SPATA6: variants seen among roughly 807,000 people sequenced by gnomAD.
SPATA6 encodes spermatogenesis-associated protein 6.
A neutral mutation model predicts 65.3 loss-of-function variants in SPATA6; 56 were observed. The observed-to-expected ratio is 0.86, with a 90% CI of 0.69 to 1.07. The LOEUF is 1.07. Among genes scored for constraint, SPATA6 ranks in the 50% least tolerant of loss-of-function variants. The pLI, the probability that SPATA6 is intolerant of heterozygous loss-of-function variation, is 0.00. For synonymous variants in SPATA6, 199 were observed against 213.2 expected (o/e 0.93, Z 0.58); for missense variants, 590 against 594.8 (o/e 0.99, Z 0.08).
the SPATA6 span, among the ~76,000 whole-genome samples, chr1:48,287,742 T>C: frequency 7.9e-5 from 12 of 152,334 alleles, no homozygotes; most frequent in African/African-American, 2.6e-4. Flanking sequence ...TGCAGAAACA[T>C]GGGCAAATTA....
chr1:48,317,598 A>C (rs1645475165), intron 11 of SPATA6, among the ~76,000 whole-genome samples: 1 of 152,192 alleles, frequency 6.6e-6, no homozygotes, highest in Admixed American at 6.5e-5. Context: ...TAATGGGTGC[A>C]GCACACCAAC....
chr1:48,272,586 A>G, the SPATA6 span, among the ~76,000 whole-genome samples: 2 of 152,054 alleles, frequency 1.3e-5, no homozygotes, highest in African/African-American at 2.4e-5. Flanking sequence ...CCATTCATCC[A>G]TTGGTGGACA....
downstream of SPATA6, among the ~76,000 whole-genome samples, chr1:48,294,528 CTTTCA>C (rs1644788404): frequency 6.6e-6 from 1 of 152,118 alleles, no homozygotes; most frequent in African/African-American, 2.4e-5. Context: ...AAAAGCAGAG[CTTTCA>C]TTTGTTTTTA....
chr1:48,273,129 C>A, the SPATA6 span, among the ~76,000 whole-genome samples: 4 of 152,056 alleles, frequency 2.6e-5, no homozygotes, highest in African/African-American at 9.7e-5. Context: ...AGCCTCAACT[C>A]TTTATTTTTG....
chr1:48,454,153 C>T (rs1037227296), intron 1 of SPATA6, among the ~76,000 whole-genome samples: 1 of 151,734 alleles, frequency 6.6e-6, no homozygotes, highest in Non-Finnish European at 1.5e-5. Context: ...TATTAAATAA[C>T]ACATAGCACA....
At chr1:48,426,541 C>A (rs1653854320) in intron 3 of SPATA6, among the ~76,000 whole-genome samples, 1 of 151,866 alleles carries the variant, frequency 6.6e-6, no homozygotes, top group African/African-American at 2.4e-5. Context: ...GACAGAATAC[C>A]CTAGAAAGCA....
At chr1:48,348,075 C>A (rs1275392938) in intron 11 of SPATA6, among the ~76,000 whole-genome samples, 2 of 152,016 alleles carry the variant, frequency 1.3e-5, no homozygotes, top group Non-Finnish European at 2.9e-5. Context: ...TTCTCCACTG[C>A]AACTCCTGCT....
intron 2 of SPATA6, among the ~76,000 whole-genome samples, chr1:48,452,673 C>A (rs532399009): frequency 1.3e-5 from 2 of 152,116 alleles, no homozygotes; most frequent in African/African-American, 4.8e-5. Flanking sequence ...CATGAGCCAC[C>A]GCACACGGCT....
Position 48,430,600 on chromosome 1 carries a change from T to G in SPATA6, c.239-17449A>C, listed in dbSNP as rs1173281462. Among the ~76,000 whole-genome samples the G allele has an allele frequency of 2.6e-5, 4 of 152,304 alleles. No homozygotes were observed. The South Asian group carries it at 8.3e-4, about 32-fold the overall frequency. On this transcript the variant is annotated intron_variant, in intron 3 of 12. Coordinates refer to ENST00000371847, the MANE Select transcript of SPATA6 (RefSeq NM_019073.4). The stretch of plus-strand genomic sequence containing the variant: ...ATAAAAGCTAGTATTACTATAACAA[T>G]GGGTTGTAACTCCACATTTTTGTTT...
intron 3 of SPATA6, among the ~76,000 whole-genome samples, chr1:48,418,173 G>A (rs1344204994): frequency 6.6e-6 from 1 of 151,978 alleles, no homozygotes; most frequent in Non-Finnish European, 1.5e-5. Flanking sequence ...AGCAACTTTT[G>A]CTTAAAAAGA....
rs777851477 is a variant in SPATA6, at chr1:48,371,267, CTATATAGA to C, written c.910-11505_910-11498del. On this transcript the variant is annotated intron_variant, in intron 9 of 12. Coordinates refer to ENST00000371847, the MANE Select transcript of SPATA6 (RefSeq NM_019073.4). Reference sequence around the variant, plus strand: ...CAATATCCATTCATTGAATATGTATCTATATAGATAGATAGATAGATAGATAGATAGAT... The same window carrying C: ...CAATATCCATTCATTGAATATGTATCTAGATAGATAGATAGATAGATAGAT... 6.0e-3 allele frequency among the ~76,000 whole-genome samples: 760 copies of C among 126,484 alleles called. 5 individuals carry two copies. Among genetic ancestry groups the C allele is most frequent in the East Asian group, 0.026 (111 of 4,258 alleles). 83.0% of individuals were successfully genotyped at this position (126,484 alleles called of 152,430 possible).
downstream of SPATA6, among the ~76,000 whole-genome samples, chr1:48,292,029 T>C (rs1294286309): frequency 2.0e-5 from 3 of 152,238 alleles, no homozygotes; most frequent in African/African-American, 7.2e-5. Flanking sequence ...ACAATTACTT[T>C]AAATTATTTG....
chr1:48,395,238 G>C (rs781571806), intron 8 of SPATA6, 29 bp downstream of exon 8: 2 of 1,493,522 alleles, frequency 1.3e-6, no homozygotes, highest in South Asian at 2.7e-5. Context: ...GGCAACTACA[G>C]CAATGAATAA....
At chr1:48,286,788 C>G in the SPATA6 span, among the ~76,000 whole-genome samples, 1 of 152,016 alleles carries the variant, frequency 6.6e-6, no homozygotes, top group Non-Finnish European at 1.5e-5. Flanking sequence ...GTAATCCCAG[C>G]ACTTTGGGGA....
At chr1:48,342,044 T>C (rs1044593535) in intron 11 of SPATA6, among the ~76,000 whole-genome samples, 1 of 152,208 alleles carries the variant, frequency 6.6e-6, no homozygotes, top group Non-Finnish European at 1.5e-5. Flanking sequence ...TTGATTATGG[T>C]ATTATTTTGG....
At chr1:48,365,674 C>T (rs1646980984) in intron 9 of SPATA6, among the ~76,000 whole-genome samples, 1 of 152,166 alleles carries the variant, frequency 6.6e-6, no homozygotes, top group Non-Finnish European at 1.5e-5. Flanking sequence ...AGTTGCTTAA[C>T]AGCTCAAGGA....
intron 3 of SPATA6, among the ~76,000 whole-genome samples, chr1:48,432,820 C>T (rs1468331359): frequency 6.6e-6 from 1 of 152,188 alleles, no homozygotes; most frequent in Non-Finnish European, 1.5e-5. Flanking sequence ...AAACAGATAT[C>T]TGTACTCCCA....
chr1:48,312,862 G>A (rs191299546), intron 11 of SPATA6, among the ~76,000 whole-genome samples: 1 of 152,284 alleles, frequency 6.6e-6, no homozygotes, highest in Non-Finnish European at 1.5e-5. Flanking sequence ...AGGACCTGAT[G>A]GAGCTGAAAA....
intron 3 of SPATA6, among the ~76,000 whole-genome samples, chr1:48,426,076 A>G (rs753082353): frequency 2.0e-5 from 3 of 152,230 alleles, no homozygotes; most frequent in African/African-American, 7.2e-5. Context: ...CTTGAAACAT[A>G]TAACTGGCAA....
Sources: allele counts gnomAD v4.1 joint callset (sites outside exome capture counted in the v4.1 genomes callset), GRCh38; gene constraint gnomAD v4.1.1; transcripts MANE v1.5; gene names NCBI Gene and HGNC (gene_info 2026-07-23, HGNC 2026-07-21).